Variants in SEC22A observed in about 807,000 individuals in gnomAD.
The protein encoded by SEC22A is vesicle-trafficking protein SEC22a.
SEC22A carries 22 observed loss-of-function variants against 35.3 expected under a neutral mutation model. The ratio of observed to expected loss-of-function variants is 0.62; its 90% confidence interval spans 0.45 to 0.89. The LOEUF (loss-of-function observed/expected upper bound fraction) is 0.89, where lower values mean the gene tolerates loss of function less well. Among genes scored for constraint, SEC22A ranks in the 40% least tolerant of loss-of-function variants. SEC22A has a pLI of 0.00. For missense variants in SEC22A, 354 were observed against 362.5 expected, an observed-to-expected ratio of 0.98 and a Z score of 0.19; for synonymous variants, 119 against 129.5, an observed-to-expected ratio of 0.92 and a Z score of 0.55.
chr3:123,268,327 A>G (rs1269631455), intron 6 of SEC22A, among the ~76,000 whole-genome samples: 1 of 152,168 alleles, frequency 6.6e-6, no homozygotes, highest in Admixed American at 6.5e-5. Context: ...ATGCCTTGGC[A>G]TTTCTAGTTG....
At chr3:123,236,813 GCACACACA>G (rs149939306) in intron 4 of SEC22A, among the ~76,000 whole-genome samples, 4 of 150,668 alleles carry the variant, frequency 2.7e-5, no homozygotes, top group African/African-American at 9.8e-5. Flanking sequence ...TAAGAAACAC[GCACACACA>G]CACACACGCA....
intron 4 of SEC22A, among the ~76,000 whole-genome samples, chr3:123,227,760 G>C (rs1252767315): frequency 6.6e-6 from 1 of 151,832 alleles, no homozygotes; most frequent in African/African-American, 2.4e-5. Flanking sequence ...GACCAGCCTG[G>C]CCAAGATGGT....
intron 3 of SEC22A, among the ~76,000 whole-genome samples, chr3:123,224,541 A>T (rs768384743): frequency 6.6e-6 from 1 of 152,194 alleles, no homozygotes; most frequent in Non-Finnish European, 1.5e-5. Context: ...CATGCCTTTT[A>T]TCCCAGCACT....
intron 5 of SEC22A, among the ~76,000 whole-genome samples, chr3:123,251,631 G>A (rs1191598260): frequency 3.3e-5 from 5 of 152,216 alleles, no homozygotes; most frequent in Non-Finnish European, 7.4e-5. Context: ...GCAAAGTTGG[G>A]GATAATGTAG....
At chr3:123,226,506 T>C (rs1376003556) in intron 4 of SEC22A, among the ~76,000 whole-genome samples, 1 of 152,252 alleles carries the variant, frequency 6.6e-6, no homozygotes, top group Non-Finnish European at 1.5e-5. Context: ...TTGAGAAATG[T>C]CTATTCAGAT....
At chr3:123,267,150 G>A (rs1938045464) in intron 6 of SEC22A, among the ~76,000 whole-genome samples, 1 of 152,066 alleles carries the variant, frequency 6.6e-6, no homozygotes, top group Admixed American at 6.6e-5. Flanking sequence ...GTTATTTAAA[G>A]TGAGTTTCTG....
intron 5 of SEC22A, among the ~76,000 whole-genome samples, chr3:123,256,923 C>G (rs1023511854): frequency 6.6e-6 from 1 of 151,886 alleles, no homozygotes; most frequent in African/African-American, 2.4e-5. Context: ...CCACGCCCGG[C>G]TAATTTTTTG....
intron 4 of SEC22A, among the ~76,000 whole-genome samples, chr3:123,231,488 AC>A (rs1325932582): frequency 6.6e-6 from 1 of 152,234 alleles, no homozygotes; most frequent in Non-Finnish European, 1.5e-5. Flanking sequence ...TTCTCCAGCT[AC>A]ATTAGATGAA....
intron 5 of SEC22A, among the ~76,000 whole-genome samples, chr3:123,250,022 G>A (rs62262610): frequency 0.2 from 29,881 of 152,160 alleles, 3,041 homozygotes; most frequent in Middle Eastern, 0.27. Flanking sequence ...AGAAAAATAT[G>A]TGGAACTCTC....
In SEC22A at chr3:123,246,712, A is replaced by T. The variant is rs1937570178; in HGVS notation, c.657+698A>T. On this transcript the variant is annotated intron_variant, in intron 5 of 6. Coordinates refer to ENST00000492595, the MANE Select transcript of SEC22A (RefSeq NM_012430.5). ...AAGTTTAGCACATTTGAGACTGCAC[A>T]GCTTTCCTTTCCCTTATTTCTATTC... Among the ~76,000 whole-genome samples, 3 of 152,166 alleles carry T rather than the reference A, an allele frequency of 2.0e-5. No individual in the cohort carries two copies. The South Asian group carries it at 6.2e-4, about 31-fold the overall frequency.
At chr3:123,219,895 A>T (rs79189505) in intron 2 of SEC22A, among the ~76,000 whole-genome samples, 1 of 152,192 alleles carries the variant, frequency 6.6e-6, no homozygotes, top group Non-Finnish European at 1.5e-5. Context: ...TTTCATCACA[A>T]ACATAAATGG....
intron 2 of SEC22A, among the ~76,000 whole-genome samples, chr3:123,220,894 A>ATATATATATATATATATG (rs1559753294): frequency 6.9e-6 from 1 of 145,210 alleles, no homozygotes; most frequent in Non-Finnish European, 1.5e-5. Context: ...ATATATATAT[A>ATATATATATATATATATG]TATGTCACAT....
chr3:123,230,688 T>C (rs1263655532), intron 4 of SEC22A, among the ~76,000 whole-genome samples: 1 of 127,592 alleles, frequency 7.8e-6, no homozygotes, highest in Non-Finnish European at 1.6e-5. Flanking sequence ...CTACCAAATA[T>C]TCACTTCATG....
At chr3:123,259,621 A>G (rs200425867) in intron 6 of SEC22A, 32 bp downstream of exon 6, 2 of 1,457,252 alleles carry the variant, frequency 1.4e-6, no homozygotes, top group African/African-American at 1.4e-5. Context: ...AGAAACACTT[A>G]CCATTATTGT....
At chr3:123,246,677 AT>A (rs935301291) in intron 5 of SEC22A, among the ~76,000 whole-genome samples, 2 of 151,790 alleles carry the variant, frequency 1.3e-5, no homozygotes, top group South Asian at 4.2e-4. Context: ...ACTTTTTGAA[AT>A]TTTTTTTTAA....
At chr3:123,217,016 A>G (rs550525680) in intron 2 of SEC22A, among the ~76,000 whole-genome samples, 34 of 151,172 alleles carry the variant, frequency 2.2e-4, no homozygotes, top group African/African-American at 6.8e-4. Flanking sequence ...TTTTGTAGAG[A>G]TGGCATCTCA....
intron 4 of SEC22A, among the ~76,000 whole-genome samples, chr3:123,233,143 T>C (rs866712284): frequency 1.6e-4 from 25 of 152,066 alleles, no homozygotes; most frequent in African/African-American, 6.0e-4. Flanking sequence ...AAGAAAAAAT[T>C]ACAGTTATGT....
chr3:123,229,651 C>G (rs1937279974), intron 4 of SEC22A, among the ~76,000 whole-genome samples: 1 of 152,094 alleles, frequency 6.6e-6, no homozygotes, highest in South Asian at 2.1e-4. Context: ...ATCACGAGGT[C>G]AGGAGTTCAA....
chr3:123,240,250 T>C (rs1210639263), intron 4 of SEC22A, among the ~76,000 whole-genome samples: 1 of 152,216 alleles, frequency 6.6e-6, no homozygotes, highest in Non-Finnish European at 1.5e-5. Context: ...AACACCCTTA[T>C]CACAATATAG....
Sources: allele counts gnomAD v4.1 joint callset (sites outside exome capture counted in the v4.1 genomes callset), GRCh38; gene constraint gnomAD v4.1.1; transcripts MANE v1.5; gene names NCBI Gene and HGNC (gene_info 2026-07-23, HGNC 2026-07-21).